Variants in PALLD observed in about 807,000 individuals in gnomAD.
PALLD encodes palladin, cytoskeletal associated protein, also known as palladin.
Under a neutral mutation model 123.5 loss-of-function variants are expected in PALLD, and 61 were observed. The observed-to-expected ratio is 0.49, with a 90% confidence interval of 0.40 to 0.61. The LOEUF (loss-of-function observed/expected upper bound fraction) is 0.61, where lower values mean the gene tolerates loss of function less well. PALLD is among the 20% of genes least tolerant of loss of function. The probability of loss-of-function intolerance (pLI) is 0.00; values close to 1 mark genes in which losing one functional copy is unlikely to be tolerated. For missense variants in PALLD, 1,273 were observed against 1,377.0 expected (o/e 0.92, Z 1.20); for synonymous variants, 465 against 496.4 (o/e 0.94, Z 0.84).
At chr4:168,519,793 C>T in intron 2 of PALLD, among the ~76,000 whole-genome samples, 1 of 152,188 alleles carries the variant, frequency 6.6e-6, no homozygotes, top group Non-Finnish European at 1.5e-5. Flanking sequence ...CTCCCATCTA[C>T]ATACCTAGAC....
chr4:168,908,167 C>T (rs1582086656), intron 15 of PALLD, among the ~76,000 whole-genome samples: 2 of 152,146 alleles, frequency 1.3e-5, no homozygotes, highest in East Asian at 1.9e-4. Context: ...AAGAGTAAAA[C>T]CCCTTCTTTT....
intron 10 of PALLD, among the ~76,000 whole-genome samples, chr4:168,839,869 T>C (rs1281821833): frequency 6.6e-6 from 1 of 152,040 alleles, no homozygotes; most frequent in Non-Finnish European, 1.5e-5. Context: ...AGTAAGAAAA[T>C]TGGGCTCTCC....
intron 2 of PALLD, among the ~76,000 whole-genome samples, chr4:168,577,486 G>T (rs905973223): frequency 6.6e-6 from 1 of 152,058 alleles, no homozygotes; most frequent in Non-Finnish European, 1.5e-5. Flanking sequence ...AAAAATGCAT[G>T]ACATTCACAG....
chr4:168,503,676 G>A (rs908387094), intron 1 of PALLD, among the ~76,000 whole-genome samples: 7 of 151,724 alleles, frequency 4.6e-5, no homozygotes, highest in Non-Finnish European at 1.0e-4. Flanking sequence ...AAGAAAAAGA[G>A]AAAGGAAGCA....
At chr4:168,736,309 A>G (rs1500798) in intron 10 of PALLD, among the ~76,000 whole-genome samples, 78,254 of 151,990 alleles carry the variant, frequency 0.51, 20,335 homozygotes, top group South Asian at 0.59. Flanking sequence ...CACAGTGTGT[A>G]TGTATTGGTA....
intron 2 of PALLD, among the ~76,000 whole-genome samples, chr4:168,666,022 A>T (rs1779615924): frequency 6.6e-6 from 1 of 151,990 alleles, no homozygotes; most frequent in East Asian, 1.9e-4. Context: ...TGTGAACTTT[A>T]TGTCACAAAA....
At chr4:168,614,230 T>C (rs1774005458) in intron 2 of PALLD, among the ~76,000 whole-genome samples, 5 of 152,236 alleles carry the variant, frequency 3.3e-5, no homozygotes, top group African/African-American at 9.6e-5. Flanking sequence ...AAGTCCTGGA[T>C]TGTATTATTT....
At chr4:168,890,494 C>T (rs186540293) in intron 10 of PALLD, among the ~76,000 whole-genome samples, 14 of 152,198 alleles carry the variant, frequency 9.2e-5, no homozygotes, top group Non-Finnish European at 1.8e-4. Context: ...GATAAAAATA[C>T]GTTCTCTTTC....
intron 2 of PALLD, among the ~76,000 whole-genome samples, chr4:168,660,010 CT>C (rs957024872): frequency 3.6e-4 from 55 of 152,258 alleles, no homozygotes; most frequent in African/African-American, 1.3e-3. Context: ...TTGTTGGTTC[CT>C]TTCATTAATC....
At chr4:168,647,648 G>A (rs1777600552) in intron 2 of PALLD, among the ~76,000 whole-genome samples, 1 of 152,018 alleles carries the variant, frequency 6.6e-6, no homozygotes, top group African/African-American at 2.4e-5. Context: ...GGGCATGGTA[G>A]TGCACACCTG....
chr4:168,786,667 C>G (rs1397619324), intron 10 of PALLD, among the ~76,000 whole-genome samples: 1 of 152,020 alleles, frequency 6.6e-6, no homozygotes, highest in Non-Finnish European at 1.5e-5. Flanking sequence ...GAGACCCTGT[C>G]TCAAAAAATA....
intron 8 of PALLD, among the ~76,000 whole-genome samples, chr4:168,704,613 G>A (rs1225717830): frequency 6.8e-6 from 1 of 146,082 alleles, no homozygotes; most frequent in Non-Finnish European, 1.5e-5. Context: ...GCAGTGAGCC[G>A]AGATTGCGCC....
At chr4:168,559,718 G>A (rs374399390) in intron 2 of PALLD, among the ~76,000 whole-genome samples, 207 of 152,056 alleles carry the variant, frequency 1.4e-3, no homozygotes, top group African/African-American at 4.7e-3. Context: ...GCAACATGGC[G>A]AAACCCCATC....
intron 10 of PALLD, among the ~76,000 whole-genome samples, chr4:168,847,625 CTTTACA>C (rs1172330334): frequency 1.3e-5 from 2 of 152,130 alleles, no homozygotes; most frequent in Non-Finnish European, 2.9e-5. Flanking sequence ...GTGGGAAATT[CTTTACA>C]TTTACTTTAT....
chr4:168,510,096 A>G (rs1226402030), intron 1 of PALLD, among the ~76,000 whole-genome samples: 1 of 152,176 alleles, frequency 6.6e-6, no homozygotes, highest in Non-Finnish European at 1.5e-5. Context: ...GGAAGCTTCC[A>G]TTATTCACTC....
intron 2 of PALLD, among the ~76,000 whole-genome samples, chr4:168,590,987 C>T (rs1771364419): frequency 6.9e-6 from 1 of 143,970 alleles, no homozygotes; most frequent in East Asian, 2.1e-4. Flanking sequence ...TCAAGCAATT[C>T]TCCTGCCTCA....
At chr4:168,891,094 G>C in intron 11 of PALLD, 37 bp downstream of exon 11, 1 of 1,607,740 alleles carries the variant, frequency 6.2e-7, no homozygotes, top group South Asian at 1.1e-5. Flanking sequence ...TGGAATGTTA[G>C]CTACCCACAT....
intron 2 of PALLD, among the ~76,000 whole-genome samples, chr4:168,552,525 A>G (rs1295194268): frequency 6.6e-6 from 1 of 152,198 alleles, no homozygotes; most frequent in Non-Finnish European, 1.5e-5. Flanking sequence ...TTGGAAACAC[A>G]ATGGCAAATA....
In PALLD at chr4:168,626,421, A is replaced by AG. The variant is rs1561319315; in HGVS notation, c.909-41767dup. Reference sequence around the variant, plus strand: ...ATCTCAAAAAAAAAAAAAAAAAAAAAGGTGGTGACTGGGCACTGTGGCTCA... The same window carrying AG: ...ATCTCAAAAAAAAAAAAAAAAAAAAAGGGTGGTGACTGGGCACTGTGGCTCA... On this transcript the variant is annotated intron_variant, in intron 2 of 21. Transcript: ENST00000505667. 9.0e-4 allele frequency among the ~76,000 whole-genome samples: 126 copies of AG among 139,398 alleles called. 16 individuals carry two copies. The highest frequency in any genetic ancestry group is 8.9e-4 in the Non-Finnish European group (59 of 65,994). The allele number at this position is 139,398 out of a possible 152,430, so 91.5% of individuals were successfully genotyped here.
Sources: allele counts gnomAD v4.1 joint callset (sites outside exome capture counted in the v4.1 genomes callset), GRCh38; gene constraint gnomAD v4.1.1; transcripts MANE v1.5; gene names NCBI Gene and HGNC (gene_info 2026-07-23, HGNC 2026-07-21).